CGRRF1: variants seen among roughly 807,000 people sequenced by gnomAD.
CGRRF1 encodes the protein cell growth regulator with RING finger domain protein 1.
CGRRF1 carries 32 observed loss-of-function variants against 37.2 expected under a neutral mutation model. The observed-to-expected ratio is 0.86, with a 90% CI of 0.65 to 1.16. The LOEUF (loss-of-function observed/expected upper bound fraction) is 1.16, where lower values mean the gene tolerates loss of function less well. CGRRF1 is among the 50% of genes most tolerant of loss of function. The probability of loss-of-function intolerance (pLI) is 0.00; values close to 1 mark genes in which losing one functional copy is unlikely to be tolerated. For missense variants in CGRRF1, 391 were observed against 382.6 expected (o/e 1.02, Z -0.18); for synonymous variants, 141 against 140.3 (o/e 1.00, Z -0.04).
chr14:54,533,977 A>G lies in CGRRF1; in HGVS notation c.570+2927A>G, dbSNP rs964989547. Among the ~76,000 whole-genome samples, 7 of 152,300 alleles carry G rather than the reference A, an allele frequency of 4.6e-5. 1 individual carries two copies. The highest frequency in any genetic ancestry group is 6.5e-5 in the Admixed American group (1 of 15,294). On this transcript the variant is annotated intron_variant, in intron 4 of 5. Transcript: ENST00000216420. ...ATGTAATTAAAAAAGGGATAAAATTATACATTTTATACTATTTTGTGACCT... is the reference window on the plus strand; with the variant it reads ...ATGTAATTAAAAAAGGGATAAAATTGTACATTTTATACTATTTTGTGACCT...
rs1417714895 is a variant in CGRRF1 at position 54,538,166 on chromosome 14, A to G, written c.782A>G (p.Glu261Gly). Residue 261 changes from glutamate (E) to glycine (G), a missense_variant, in exon 6 of 6, where the codon GAA becomes GGA. Transcript: ENST00000216420. Reference protein sequence around the residue: ...RSLLEKVGLSESEVEPSEENS... With the variant: ...RSLLEKVGLSGSEVEPSEENS... ...TTGTTGGAAAAGGTGGGACTCTCTGAAAGTGAAGTTGAGCCATCGGAAGAG... is the reference window on the plus strand; with the variant it reads ...TTGTTGGAAAAGGTGGGACTCTCTGGAAGTGAAGTTGAGCCATCGGAAGAG... 3 of 1,614,226 alleles carry G rather than the reference A, an allele frequency of 1.9e-6. No homozygotes were observed. Among genetic ancestry groups the G allele is most frequent in the Admixed American group, 3.3e-5 (2 of 60,030 alleles).
chr14:54,510,843 A>T (rs2032118119), intron 1 of CGRRF1, among the ~76,000 whole-genome samples: 1 of 152,232 alleles, frequency 6.6e-6, no homozygotes, highest in Non-Finnish European at 1.5e-5. Flanking sequence ...TAACTAGCCC[A>T]CAACAGTTTT....
At chr14:54,513,408 C>T (rs775047170) in intron 1 of CGRRF1, among the ~76,000 whole-genome samples, 10 of 152,206 alleles carry the variant, frequency 6.6e-5, no homozygotes, top group Middle Eastern at 3.2e-3. Flanking sequence ...GAGATAGGTG[C>T]TTCTTTGTTC....
chr14:54,530,146 T>A lies in CGRRF1; in HGVS notation c.342T>A (p.His114Gln), dbSNP rs779755226. 6.2e-7 allele frequency: 1 copy of A among 1,612,780 alleles called. No individual in the cohort carries two copies. Among genetic ancestry groups the A allele is most frequent in the South Asian group, 1.1e-5 (1 of 91,034 alleles). ...VQKLYEALQK[H>Q]VYCFRISTPQ... ...AATTATATGAAGCTCTGCAGAAGCA[T>A]GTTTATTGCTTCAGAATAAGCACTC... is the stretch of plus-strand genomic sequence containing the variant. The change falls in exon 3 of 6, where the codon CAT (histidine) becomes CAA (glutamine). Residue 114 changes from histidine (H) to glutamine (Q), a missense_variant. Physicochemically the swap from His to Gln is conservative, Grantham distance 24. Transcript: ENST00000216420.
intron 3 of CGRRF1, chr14:54,530,686 T>C (rs147996328): frequency 0.082 from 68,058 of 828,888 alleles, 3,713 homozygotes; most frequent in Non-Finnish European, 0.085. Context: ...AGAAGCATGT[T>C]TATTGCTTCA....
At chr14:54,536,628 T>A (rs1322324423) in intron 4 of CGRRF1, 2 of 152,216 alleles carry the variant, frequency 1.3e-5, no homozygotes, top group African/African-American at 4.8e-5. Context: ...TCTTTTAATA[T>A]GGTCAAGGCT....
intron 1 of CGRRF1, 197 bp downstream of exon 1, chr14:54,510,260 ACCGTTTGG>A (rs2032108331): frequency 1.7e-6 from 1 of 585,018 alleles, no homozygotes; most frequent in Non-Finnish European, 3.0e-6. Flanking sequence ...GCCCTGCATC[ACCGTTTGG>A]TCCGTGTCGC....
intron 1 of CGRRF1, among the ~76,000 whole-genome samples, chr14:54,512,794 C>T (rs1195076226): frequency 6.6e-6 from 1 of 152,218 alleles, no homozygotes; most frequent in African/African-American, 2.4e-5. Flanking sequence ...TTATGCACTT[C>T]CTTAAAGATA....
At chr14:54,526,819 C>T (rs1265141362) in intron 2 of CGRRF1, among the ~76,000 whole-genome samples, 2 of 152,172 alleles carry the variant, frequency 1.3e-5, no homozygotes, top group African/African-American at 4.8e-5. Context: ...TCTCTACAAC[C>T]TAAAACTTTC....
rs2032484904 is a variant in CGRRF1, at chr14:54,530,097, G to C, written c.293G>C (p.Cys98Ser). 3 of 1,613,308 alleles carry C rather than the reference G, an allele frequency of 1.9e-6. No homozygotes were observed. The highest frequency in any genetic ancestry group is 2.5e-6 in the Non-Finnish European group (3 of 1,179,404). The change falls in exon 3 of 6, where the codon TGC becomes TCC. Residue 98 changes from cysteine to serine, a missense_variant. By Grantham distance (112) the Cys-to-Ser change is moderately radical (BLOSUM62 -1). Transcript: ENST00000216420. ...TGCCTTGAAGATAGCCTCCTTACAT[G>C]CTACTGGGGGTGCAGTGTTCAAAAA... ...TDCLEDSLLT[C>S]YWGCSVQKLY... is the part of the protein sequence containing the mutation.
intron 1 of CGRRF1, among the ~76,000 whole-genome samples, chr14:54,517,034 T>A (rs2032229470): frequency 1.3e-5 from 2 of 152,206 alleles, no homozygotes; most frequent in African/African-American, 4.8e-5. Context: ...TGCCTCTATA[T>A]CATATGTGCA....
In CGRRF1 at chr14:54,537,677, A is replaced by T. The variant is rs372012447; in HGVS notation, c.571-45A>T. 1.9e-3 allele frequency: 2,682 copies of T among 1,423,984 alleles called. 11 individuals carry two copies. The highest frequency in any genetic ancestry group is 7.0e-3 in the South Asian group (409 of 58,200). 88.2% of individuals were successfully genotyped at this position (1,423,984 alleles called of 1,614,324 possible). A position where few individuals can be genotyped will look rare whatever the true frequency, so the allele number is the denominator to read the frequency against. On this transcript the variant is annotated intron_variant, in intron 4 of 5. Coordinates refer to ENST00000216420, the MANE Select transcript of CGRRF1 (RefSeq NM_006568.3). Reference sequence around the variant, plus strand: ...GCATTTTTCATATATTTGTGAAATAATATAAAGATTTTAAGTACTGACCAG... The same window carrying T: ...GCATTTTTCATATATTTGTGAAATATTATAAAGATTTTAAGTACTGACCAG...
At chr14:54,534,545 A>G (rs2032570626) in intron 4 of CGRRF1, among the ~76,000 whole-genome samples, 1 of 152,226 alleles carries the variant, frequency 6.6e-6, no homozygotes, top group South Asian at 2.1e-4. Context: ...TGTAAAGAAT[A>G]TTGTGTTTTT....
At chr14:54,534,807 T>G (rs187465371) in intron 4 of CGRRF1, among the ~76,000 whole-genome samples, 1 of 152,276 alleles carries the variant, frequency 6.6e-6, no homozygotes, top group East Asian at 1.9e-4. Flanking sequence ...CTCAACTTCC[T>G]GAGCTCAAGT....
intron 2 of CGRRF1, among the ~76,000 whole-genome samples, chr14:54,526,682 C>G (rs141618351): frequency 1.3e-5 from 2 of 152,250 alleles, no homozygotes; most frequent in East Asian, 3.9e-4. Flanking sequence ...TTCAGGAATT[C>G]TGCTTTTTGT....
At chr14:54,525,811 C>A (rs2032401709) in intron 2 of CGRRF1, among the ~76,000 whole-genome samples, 1 of 152,178 alleles carries the variant, frequency 6.6e-6, no homozygotes, top group Middle Eastern at 3.4e-3. Flanking sequence ...GAAAATAAAC[C>A]AGAGGCTGCA....
intron 2 of CGRRF1, among the ~76,000 whole-genome samples, chr14:54,527,036 T>C (rs61975099): frequency 0.052 from 7,971 of 152,276 alleles, 406 homozygotes; most frequent in East Asian, 0.28. Flanking sequence ...TATTTGCTTG[T>C]TATAGATAGT....
intron 5 of CGRRF1, 113 bp from the exon 6 acceptor site, chr14:54,537,947 GTTC>G (rs2032625745): frequency 2.7e-6 from 4 of 1,486,926 alleles, no homozygotes; most frequent in Non-Finnish European, 3.6e-6. Flanking sequence ...ATAACTAACT[GTTC>G]TTTGCAATTG....
At position 54,510,028 on chromosome 14, in the gene CGRRF1, C is replaced by A. The variant is rs2032103044; in HGVS notation, c.69C>A (p.Thr23=). The A allele has an allele frequency of 6.2e-7, 1 of 1,613,418 alleles. No individual in the cohort carries two copies. Among genetic ancestry groups the A allele is most frequent in the Non-Finnish European group, 8.5e-7 (1 of 1,179,566 alleles). ...TTTTCTACATCGCGGTGGTCTTTAC[C>A]TGCTTCATCGTGACCACCGGCCTGG... ...SPLFYIAVVF[T]CFIVTTGLVL... Residue 23 remains threonine, a synonymous_variant, in exon 1 of 6, where the codon ACC becomes ACA. Transcript: ENST00000216420.
Sources: gnomAD v4.1 joint callset for allele counts (sites outside exome capture counted in the v4.1 genomes callset) on GRCh38, gnomAD v4.1.1 for gene constraint, MANE v1.5 for transcripts, NCBI Gene and HGNC (gene_info 2026-07-23, HGNC 2026-07-21) for gene names.